HDAC9: variants seen among roughly 807,000 people sequenced by gnomAD.
HDAC9 encodes MEF-2 interacting transcription repressor (MITR) protein.
In HDAC9, 41 loss-of-function variants were observed where a neutral mutation model predicts 139.4. The ratio of observed to expected loss-of-function variants is 0.29; its 90% CI spans 0.23 to 0.38. HDAC9 has a LOEUF of 0.38. Ranked by LOEUF, HDAC9 falls within the 10% of genes least tolerant of loss-of-function variation. The pLI, the probability that HDAC9 is intolerant of heterozygous loss-of-function variation, is 1.00. For missense variants in HDAC9, 1,147 were observed against 1,297.0 expected, an observed-to-expected ratio of 0.88 and a Z score of 1.78; for synonymous variants, 517 against 476.2, an observed-to-expected ratio of 1.09 and a Z score of -1.12.
intron 22 of HDAC9, among the ~76,000 whole-genome samples, chr7:18,922,342 A>T (rs1259357847): frequency 6.6e-6 from 1 of 152,074 alleles, no homozygotes; most frequent in African/African-American, 2.4e-5. Flanking sequence ...CCTATTATTT[A>T]TAATGTAATG....
Position 18,207,780 on chromosome 7 carries a change from T to A in HDAC9, c.25+45431T>A, listed in dbSNP as rs987501403. Among the ~76,000 whole-genome samples, 4 of 151,982 alleles carry A rather than the reference T, an allele frequency of 2.6e-5. 1 individual carries two copies. Among genetic ancestry groups the A allele is most frequent in the African/African-American group, 9.7e-5 (4 of 41,374 alleles). ...CCCAGGCTGGAGTGCAATGGCGCGA[T>A]CTCGGCTCACCACAACCTCCGCCTC... On this transcript the variant is annotated intron_variant, in intron 2 of 12. Transcript: ENST00000417496.
At chr7:18,258,964 TTTTTTTTTTTTTTTTTTTTTTTTTA>T (rs1795462288) in intron 2 of HDAC9, among the ~76,000 whole-genome samples, 1 of 61,014 alleles carries the variant, frequency 1.6e-5, no homozygotes, top group Non-Finnish European at 3.0e-5. Context: ...TTTTTTTTTT[TTTTTTTTTTTTTTTTTTTTTTTTTA>T]AACAGGGTCT....
At chr7:18,527,387 G>C (rs540759490) in intron 2 of HDAC9, among the ~76,000 whole-genome samples, 15 of 152,074 alleles carry the variant, frequency 9.9e-5, no homozygotes, top group Non-Finnish European at 2.2e-4. Flanking sequence ...ATGTATCTAA[G>C]TAAGTTAATG....
chr7:18,480,009 G>A (rs1158620396), intron 1 of HDAC9, among the ~76,000 whole-genome samples: 1 of 135,114 alleles, frequency 7.4e-6, no homozygotes, highest in Non-Finnish European at 1.6e-5. Flanking sequence ...TTTTCTGGAA[G>A]ATTGCCTGTT....
intron 25 of HDAC9, among the ~76,000 whole-genome samples, chr7:18,990,372 T>A (rs1284972545): frequency 6.6e-6 from 1 of 152,054 alleles, no homozygotes; most frequent in East Asian, 1.9e-4. Context: ...GGGTCAGGGG[T>A]CAGGGACCCA....
At chr7:18,369,432 C>T (rs1231841824) in intron 1 of HDAC9, among the ~76,000 whole-genome samples, 1 of 151,858 alleles carries the variant, frequency 6.6e-6, no homozygotes, top group Admixed American at 6.6e-5. Flanking sequence ...CAGATCTATT[C>T]TCTGTTTTTT....
intron 1 of HDAC9, among the ~76,000 whole-genome samples, chr7:18,134,588 A>AT (rs1262336832): frequency 6.6e-6 from 1 of 152,220 alleles, no homozygotes. Flanking sequence ...AAAGCAGATC[A>AT]GTTGTAAGTT....
chr7:18,645,306 G>T (rs1364112181), intron 9 of HDAC9, among the ~76,000 whole-genome samples: 1 of 152,106 alleles, frequency 6.6e-6, no homozygotes, highest in East Asian at 1.9e-4. Flanking sequence ...TGACTCTCTG[G>T]TACTGGCGAA....
At chr7:18,190,224 C>T (rs755823944) in intron 2 of HDAC9, among the ~76,000 whole-genome samples, 15 of 152,122 alleles carry the variant, frequency 9.9e-5, no homozygotes, top group South Asian at 2.1e-4. Context: ...GGATTACAGG[C>T]GTGAGCCACC....
At chr7:18,245,802 G>T (rs549506976) in intron 2 of HDAC9, among the ~76,000 whole-genome samples, 2 of 152,018 alleles carry the variant, frequency 1.3e-5, no homozygotes, top group African/African-American at 4.8e-5. Context: ...TTTTGTGCTC[G>T]TTTGTTCACC....
intron 2 of HDAC9, among the ~76,000 whole-genome samples, chr7:18,176,948 A>G (rs1426878310): frequency 6.6e-6 from 1 of 152,230 alleles, no homozygotes; most frequent in Non-Finnish European, 1.5e-5. Flanking sequence ...GCAGGAAGCC[A>G]ACTATAGATA....
chr7:18,604,450 A>G (rs1298883681), intron 6 of HDAC9, among the ~76,000 whole-genome samples: 1 of 150,172 alleles, frequency 6.7e-6, no homozygotes, highest in Non-Finnish European at 1.5e-5. Flanking sequence ...TCTGTCGCCC[A>G]GGCTGGAGTG....
chr7:18,140,739 A>T (rs762894386), intron 1 of HDAC9, among the ~76,000 whole-genome samples: 1 of 152,086 alleles, frequency 6.6e-6, no homozygotes, highest in Non-Finnish European at 1.5e-5. Context: ...TATGTCACTG[A>T]ACATACACAT....
chr7:18,745,517 T>C (rs1047658120), intron 13 of HDAC9, among the ~76,000 whole-genome samples: 2 of 151,092 alleles, frequency 1.3e-5, no homozygotes, highest in Non-Finnish European at 2.9e-5. Context: ...AATGTAATGA[T>C]TAGACTCTCT....
chr7:18,271,685 C>T (rs187615762), intron 2 of HDAC9, among the ~76,000 whole-genome samples: 2 of 152,284 alleles, frequency 1.3e-5, no homozygotes, highest in East Asian at 1.9e-4. Context: ...ATGGGCATTT[C>T]GTGATGCCTT....
At chr7:18,149,181 C>T (rs1380826824) in intron 1 of HDAC9, among the ~76,000 whole-genome samples, 1 of 151,946 alleles carries the variant, frequency 6.6e-6, no homozygotes, top group African/African-American at 2.4e-5. Context: ...TTATTAGCTG[C>T]TGAAATTGTC....
intron 1 of HDAC9, among the ~76,000 whole-genome samples, chr7:18,128,394 C>T (rs1250335864): frequency 1.3e-5 from 2 of 152,038 alleles, no homozygotes; most frequent in African/African-American, 4.8e-5. Flanking sequence ...TGGCTCCTTT[C>T]ATCTCTCTGA....
chr7:18,799,718 C>A (rs1793130840), intron 17 of HDAC9, among the ~76,000 whole-genome samples: 1 of 151,912 alleles, frequency 6.6e-6, no homozygotes, highest in African/African-American at 2.4e-5. Flanking sequence ...GATATCTAGT[C>A]TGAAGACCAG....
At chr7:18,645,199 G>T (rs1786990595) in intron 9 of HDAC9, among the ~76,000 whole-genome samples, 1 of 152,090 alleles carries the variant, frequency 6.6e-6, no homozygotes, top group African/African-American at 2.4e-5. Flanking sequence ...TGGAACACAA[G>T]CCAGGGCAGT....
Sources: gnomAD v4.1 joint callset for allele counts (sites outside exome capture counted in the v4.1 genomes callset) on GRCh38, gnomAD v4.1.1 for gene constraint, MANE v1.5 for transcripts, NCBI Gene and HGNC (gene_info 2026-07-23, HGNC 2026-07-21) for gene names.